The following LMBRD2 variants were observed in gnomAD, a reference collection of about 807,000 sequenced individuals.
The protein encoded by LMBRD2 is G protein-coupled receptor-associated protein LMBRD2.
LMBRD2 carries 55 observed loss-of-function variants against 94.4 expected under a neutral mutation model. The ratio of observed to expected loss-of-function variants is 0.58; its 90% CI spans 0.47 to 0.73. The LOEUF is 0.73. Ranked by LOEUF, LMBRD2 falls within the 30% of genes least tolerant of loss-of-function variation. LMBRD2 has a pLI of 0.00. For synonymous variants in LMBRD2, 246 were observed against 272.4 expected (o/e 0.90, Z 0.95); for missense variants, 640 against 831.9 (o/e 0.77, Z 2.84).
intron 5 of LMBRD2, 29 bp downstream of exon 5, chr5:36,137,245 A>G (rs768782443): frequency 3.0e-5 from 43 of 1,426,000 alleles, no homozygotes; most frequent in South Asian, 1.4e-5. Flanking sequence ...CATACATTAA[A>G]GCAATGTTAA....
chr5:36,125,899 G>T (rs1173085508), intron 6 of LMBRD2, among the ~76,000 whole-genome samples: 1 of 152,204 alleles, frequency 6.6e-6, no homozygotes, highest in African/African-American at 2.4e-5. Context: ...GGAGAGACTA[G>T]AATATTCCAG....
At chr5:36,128,703 T>C (rs1453844097) in intron 6 of LMBRD2, among the ~76,000 whole-genome samples, 1 of 151,776 alleles carries the variant, frequency 6.6e-6, no homozygotes, top group Admixed American at 6.6e-5. Flanking sequence ...CCAGCCTGGG[T>C]AACACAGTGA....
At chr5:36,104,151 T>C (rs753052467) in intron 17 of LMBRD2, 45 bp from the exon 18 acceptor site, 24 of 1,464,386 alleles carry the variant, frequency 1.6e-5, no homozygotes, top group Non-Finnish European at 2.3e-5. Context: ...TCAAAAATAA[T>C]AAAGGAAGAG....
In LMBRD2 at chr5:36,122,332, T is replaced by C. The variant is rs1320446722; in HGVS notation, c.1068A>G (p.Gln356=). ...SATHQFVHTF[Q]SPEPENRFIQ... ...TAAATCGATTTTCTGGCTCTGGCGATTGAAAGGTGTGAACAAACTGATGAG... is the reference window on the plus strand; with the variant it reads ...TAAATCGATTTTCTGGCTCTGGCGACTGAAAGGTGTGAACAAACTGATGAG... The change falls in exon 9 of 18, where the codon CAA becomes CAG. Residue 356 remains glutamine (Q), a synonymous_variant. Coordinates refer to ENST00000296603, the MANE Select transcript of LMBRD2 (RefSeq NM_001007527.2). The C allele has an allele frequency of 1.1e-5, 17 of 1,608,526 alleles. No individual in the cohort carries two copies. The African/African-American group carries it at 2.1e-4, about 20-fold the overall frequency.
Position 36,122,838 on chromosome 5 carries a change from A to G in LMBRD2, c.936+10T>C. On this transcript the variant is annotated intron_variant, in intron 8 of 17. Coordinates refer to ENST00000296603, the MANE Select transcript of LMBRD2 (RefSeq NM_001007527.2). ...TCATTAAGTAAAATACTTATAATTA[A>G]CAAAGTTACCTGTTTATGCAGTTTT... is the stretch of plus-strand genomic sequence containing the variant. 6.3e-7 allele frequency: 1 copy of G among 1,589,318 alleles called. No homozygotes were observed.
chr5:36,123,326 T>C (rs1211844644), intron 7 of LMBRD2, among the ~76,000 whole-genome samples: 1 of 152,126 alleles, frequency 6.6e-6, no homozygotes, highest in Non-Finnish European at 1.5e-5. Flanking sequence ...AAATCCAAGA[T>C]GCTGAATTTT....
At chr5:36,124,507 G>A (rs1345323286) in intron 6 of LMBRD2, among the ~76,000 whole-genome samples, 3 of 151,812 alleles carry the variant, frequency 2.0e-5, no homozygotes, top group Admixed American at 6.6e-5. Context: ...TCATTACTTG[G>A]TACACAAAAA....
At chr5:36,109,080 G>T (rs376022857) in intron 15 of LMBRD2, among the ~76,000 whole-genome samples, 1 of 152,218 alleles carries the variant, frequency 6.6e-6, no homozygotes, top group East Asian at 1.9e-4. Flanking sequence ...ACGGCATTGT[G>T]TGTTATCTTA....
chr5:36,117,480 C>T (rs112557636), intron 10 of LMBRD2, among the ~76,000 whole-genome samples: 17 of 151,850 alleles, frequency 1.1e-4, no homozygotes, highest in African/African-American at 3.9e-4. Context: ...CAAGATTCTG[C>T]CTCCAAAAAA....
At chr5:36,122,484 A>T in intron 8 of LMBRD2, 21 bp from the exon 9 acceptor site, 1 of 1,598,006 alleles carries the variant, frequency 6.3e-7, no homozygotes, top group African/African-American at 1.3e-5. Context: ...GAATGGGGGT[A>T]GACCTGGCAG....
intron 15 of LMBRD2, 59 bp from the exon 16 acceptor site, chr5:36,108,698 G>A: frequency 1.4e-6 from 1 of 695,078 alleles, no homozygotes; most frequent in Non-Finnish European, 2.3e-6. Flanking sequence ...TTAATGTCAA[G>A]AGATTACATA....
intron 9 of LMBRD2, among the ~76,000 whole-genome samples, chr5:36,120,047 ATCTC>A (rs1201144899): frequency 1.5e-5 from 2 of 134,244 alleles, no homozygotes; most frequent in Non-Finnish European, 3.2e-5. Context: ...CTTTTCTTTC[ATCTC>A]TCTCTCTCTT....
At chr5:36,133,173 G>A (rs1744193020) in intron 6 of LMBRD2, among the ~76,000 whole-genome samples, 1 of 152,024 alleles carries the variant, frequency 6.6e-6, no homozygotes, top group Admixed American at 6.6e-5. Context: ...CATATGAATG[G>A]ATAAAGAAAA....
intron 9 of LMBRD2, among the ~76,000 whole-genome samples, chr5:36,120,096 G>C: frequency 7.5e-6 from 1 of 133,004 alleles, no homozygotes; most frequent in East Asian, 2.2e-4. Context: ...GTCTCATTCT[G>C]TCCCCAGGCT....
At chr5:36,139,122 G>T (rs896869355) in intron 4 of LMBRD2, among the ~76,000 whole-genome samples, 1 of 152,214 alleles carries the variant, frequency 6.6e-6, no homozygotes, top group Non-Finnish European at 1.5e-5. Flanking sequence ...CACTTTCGGG[G>T]ACCCAGAAAG....
At chr5:36,113,872 G>C (rs956255325) in intron 13 of LMBRD2, among the ~76,000 whole-genome samples, 2 of 152,116 alleles carry the variant, frequency 1.3e-5, no homozygotes, top group Non-Finnish European at 2.9e-5. Flanking sequence ...CTCCTGCCTA[G>C]ATTCTACCAT....
chr5:36,127,196 T>C (rs976344166), intron 6 of LMBRD2, among the ~76,000 whole-genome samples: 2 of 152,266 alleles, frequency 1.3e-5, no homozygotes, highest in Non-Finnish European at 2.9e-5. Flanking sequence ...GTAAATATTT[T>C]TTAAATGATA....
rs939022235 is a variant in LMBRD2 at position 36,136,348 on chromosome 5, C to T, written c.708G>A (p.Glu236=). 2.5e-5 allele frequency: 40 copies of T among 1,613,970 alleles called. No homozygotes were observed. The highest frequency in any genetic ancestry group is 3.2e-5 in the Non-Finnish European group (38 of 1,179,938). ...CCAAATTCTCTTCTGCATCTGCTTT[C>T]TCTGTCATCAGTTTGGCTGCCTTAA... is the stretch of plus-strand genomic sequence containing the variant. The part of the protein sequence containing the change: ...TYFKAAKLMT[E]KADAEENLED... The change falls in exon 6 of 18, where the codon GAG becomes GAA. Residue 236 remains glutamate, a synonymous_variant. Transcript: ENST00000296603.
At chr5:36,134,907 A>C (rs1305599562) in intron 6 of LMBRD2, among the ~76,000 whole-genome samples, 1 of 152,144 alleles carries the variant, frequency 6.6e-6, no homozygotes, top group African/African-American at 2.4e-5. Context: ...AGAGCATTCT[A>C]ATAGTTTGGG....
Sources: allele counts gnomAD v4.1 joint callset (sites outside exome capture counted in the v4.1 genomes callset), GRCh38; gene constraint gnomAD v4.1.1; transcripts MANE v1.5; gene names NCBI Gene and HGNC (gene_info 2026-07-23, HGNC 2026-07-21).